ISY1: variants seen among roughly 807,000 people sequenced by gnomAD.
ISY1 encodes the protein pre-mRNA-splicing factor ISY1 homolog.
In ISY1, 12 loss-of-function variants were observed where a neutral mutation model predicts 54.4. That is an observed-to-expected ratio of 0.22 (90% CI 0.14 to 0.36). The LOEUF is 0.36. Ranked by LOEUF, ISY1 falls within the 10% of genes least tolerant of loss-of-function variation. The probability of loss-of-function intolerance (pLI) is 1.00; values close to 1 mark genes in which losing one functional copy is unlikely to be tolerated. For synonymous variants in ISY1, 96 were observed against 117.9 expected (o/e 0.81, Z 1.20); for missense variants, 282 against 342.2 (o/e 0.82, Z 1.39).
At chr3:129,132,860 C>T (rs905022983) in intron 9 of ISY1, among the ~76,000 whole-genome samples, 4 of 152,228 alleles carry the variant, frequency 2.6e-5, no homozygotes, top group African/African-American at 9.6e-5. Context: ...CAGTGCTGGC[C>T]CAGCTGGACA....
Position 129,128,282 on chromosome 3 carries a change from T to A in ISY1, c.*1799A>T, listed in dbSNP as rs922400135. The A allele has an allele frequency of 2.0e-4, 30 of 152,274 alleles. No homozygotes were observed. Among genetic ancestry groups the A allele is most frequent in the African/African-American group, 7.0e-4 (29 of 41,380 alleles). 9.4% of individuals were successfully genotyped at this position (152,274 alleles called of 1,614,324 possible). On this transcript the variant is annotated 3_prime_UTR_variant, in exon 11 of 11. Coordinates refer to ENST00000393295, the MANE Select transcript of ISY1 (RefSeq NM_020701.4). ...CTTCAACCTGGACACCTCTCCTCCC[T>A]GCACACATTTGCCTCCGGGCTTGAC...
intron 5 of ISY1, among the ~76,000 whole-genome samples, chr3:129,153,298 C>T (rs1019378595): frequency 3.3e-5 from 5 of 152,192 alleles, no homozygotes; most frequent in South Asian, 2.1e-4. Flanking sequence ...GCGTGAGCCA[C>T]GGTGCACAGC....
intron 8 of ISY1, 117 bp from the exon 9 acceptor site, chr3:129,134,312 AC>A: frequency 6.5e-7 from 1 of 1,540,574 alleles, no homozygotes; most frequent in East Asian, 2.3e-5. Context: ...AGAAAGGGAC[AC>A]CCTTCATTCT....
chr3:129,134,219 CTATT>C, intron 8 of ISY1, 24 bp from the exon 9 acceptor site: 1 of 1,613,868 alleles, frequency 6.2e-7, no homozygotes. Flanking sequence ...AGGGTAGGTG[CTATT>C]TATTTGTCTC....
chr3:129,150,649 C>A (rs1576887442), intron 5 of ISY1, among the ~76,000 whole-genome samples: 1 of 151,138 alleles, frequency 6.6e-6, no homozygotes, highest in African/African-American at 2.4e-5. Context: ...GGGGGCGGAG[C>A]TTGCAGTGAG....
intron 7 of ISY1, among the ~76,000 whole-genome samples, chr3:129,135,562 A>G (rs1046135120): frequency 4.6e-5 from 7 of 151,870 alleles, no homozygotes; most frequent in Non-Finnish European, 8.8e-5. Context: ...TCAGCAGTTC[A>G]AGACCAGCGT....
At position 129,141,243 on chromosome 3, in the gene ISY1, T is replaced by C. The variant is rs1048188346; in HGVS notation, c.301-758A>G. ...TAAATAAATAAATAAAAAACACTTA[T>C]GGGCTGGGCACGGTGGCTCACACCT... is the stretch of plus-strand genomic sequence containing the variant. On this transcript the variant is annotated intron_variant, in intron 6 of 10. Coordinates refer to ENST00000393295, the MANE Select transcript of ISY1 (RefSeq NM_020701.4). Among the ~76,000 whole-genome samples, 5 of 142,106 alleles carry C rather than the reference T, an allele frequency of 3.5e-5. No individual in the cohort carries two copies. The East Asian group carries it at 8.3e-4, about 23-fold the overall frequency. 93.2% of individuals were successfully genotyped at this position (142,106 alleles called of 152,430 possible). A position where few individuals can be genotyped will look rare whatever the true frequency, so the allele number is the denominator to read the frequency against.
At chr3:129,141,194 TA>T (rs1321131652) in intron 6 of ISY1, among the ~76,000 whole-genome samples, 13 of 8,906 alleles carry the variant, frequency 1.5e-3, no homozygotes, top group Admixed American at 8.4e-3. Context: ...TGGAGTAAAT[TA>T]AATAAATAAA....
Position 129,150,561 on chromosome 3 carries a change from A to T in ISY1, c.188-4688T>A, listed in dbSNP as rs1352446229. Among the ~76,000 whole-genome samples the T allele has an allele frequency of 2.6e-5, 4 of 152,230 alleles. No homozygotes were observed. In the East Asian group the frequency reaches 7.7e-4, roughly 29 times the overall value. On this transcript the variant is annotated intron_variant, in intron 5 of 10. Transcript: ENST00000393295. Reference sequence around the variant, plus strand: ...CTCGTCTCTACTAAAAATACAAAAAAAATTAGCCAGACGTGGTGGTGGGCG... The same window carrying T: ...CTCGTCTCTACTAAAAATACAAAAATAATTAGCCAGACGTGGTGGTGGGCG...
chr3:129,138,296 C>T (rs1245522338), intron 7 of ISY1, among the ~76,000 whole-genome samples: 1 of 148,780 alleles, frequency 6.7e-6, no homozygotes, highest in East Asian at 2.0e-4. Flanking sequence ...AAAAAGAGCT[C>T]GAGACCACCC....
At chr3:129,142,023 G>A (rs1357771898) in intron 6 of ISY1, among the ~76,000 whole-genome samples, 2 of 151,708 alleles carry the variant, frequency 1.3e-5, no homozygotes, top group African/African-American at 2.4e-5. Flanking sequence ...TGGCCAACAT[G>A]GTAAAATCCC....
intron 7 of ISY1, among the ~76,000 whole-genome samples, chr3:129,136,348 C>T (rs888457249): frequency 3.3e-5 from 5 of 152,046 alleles, no homozygotes; most frequent in Admixed American, 1.3e-4. Context: ...GTGATCCACC[C>T]GCTTAGGCTT....
chr3:129,152,386 C>T (rs994530568), intron 5 of ISY1, among the ~76,000 whole-genome samples: 1 of 152,016 alleles, frequency 6.6e-6, no homozygotes, highest in South Asian at 2.1e-4. Flanking sequence ...GATGTATTAT[C>T]CTTTTTATAC....
intron 6 of ISY1, among the ~76,000 whole-genome samples, 193 bp from the exon 7 acceptor site, chr3:129,140,678 C>A (rs1360412731): frequency 6.6e-6 from 1 of 152,146 alleles, no homozygotes; most frequent in Non-Finnish European, 1.5e-5. Context: ...TCAAGTGATT[C>A]TCCTGCCTCA....
At chr3:129,144,844 A>C (rs1329490497) in intron 6 of ISY1, among the ~76,000 whole-genome samples, 1 of 152,172 alleles carries the variant, frequency 6.6e-6, no homozygotes, top group Non-Finnish European at 1.5e-5. Flanking sequence ...TATGGCTCTC[A>C]GATAACAAAG....
intron 8 of ISY1, among the ~76,000 whole-genome samples, chr3:129,134,553 C>T (rs1162596534): frequency 1.3e-5 from 2 of 152,210 alleles, no homozygotes; most frequent in African/African-American, 2.4e-5. Flanking sequence ...TGATGTGTCA[C>T]ATGGGCACTG....
intron 6 of ISY1, among the ~76,000 whole-genome samples, chr3:129,143,142 A>C (rs1028836413): frequency 6.6e-6 from 1 of 151,890 alleles, no homozygotes; most frequent in Non-Finnish European, 1.5e-5. Flanking sequence ...TTGCACCTGG[A>C]GTCAAGGCTG....
Position 129,129,945 on chromosome 3 carries a change from C to A in ISY1, c.*136G>T. The A allele has an allele frequency of 1.6e-6, 1 of 636,744 alleles. No homozygotes were observed. The highest frequency in any genetic ancestry group is 2.5e-5 in the South Asian group (1 of 39,466). The allele number at this position is 636,744 out of a possible 1,614,324, so 39.4% of individuals were successfully genotyped here. Reference sequence around the variant, plus strand: ...CAGGGACAGACCCCTACCCTCCGGTCAACATGAGACAAGGAGAGGGAAGGA... The same window carrying A: ...CAGGGACAGACCCCTACCCTCCGGTAAACATGAGACAAGGAGAGGGAAGGA... On this transcript the variant is annotated 3_prime_UTR_variant, in exon 11 of 11. Coordinates refer to ENST00000393295, the MANE Select transcript of ISY1 (RefSeq NM_020701.4).
intron 2 of ISY1, 63 bp downstream of exon 2, chr3:129,159,091 A>C (rs954121727): frequency 6.3e-7 from 1 of 1,580,222 alleles, no homozygotes; most frequent in African/African-American, 1.4e-5. Flanking sequence ...GAAATACACA[A>C]AGAGTTACAT....
Sources: gnomAD v4.1 joint callset for allele counts (sites outside exome capture counted in the v4.1 genomes callset) on GRCh38, gnomAD v4.1.1 for gene constraint, MANE v1.5 for transcripts, NCBI Gene and HGNC (gene_info 2026-07-23, HGNC 2026-07-21) for gene names.